Variants in PRTFDC1 observed in about 807,000 individuals in gnomAD.
PRTFDC1 encodes the protein phosphoribosyl transferase domain containing 1.
A neutral mutation model predicts 34.6 loss-of-function variants in PRTFDC1; 38 were observed. The ratio of observed to expected loss-of-function variants is 1.10; its 90% CI spans 0.85 to 1.44. The LOEUF (loss-of-function observed/expected upper bound fraction) is 1.44. Ranked by LOEUF, PRTFDC1 falls within the 40% of genes most tolerant of loss-of-function variation. The pLI, the probability that PRTFDC1 is intolerant of heterozygous loss-of-function variation, is 0.00. For missense variants in PRTFDC1, 270 were observed against 283.0 expected (o/e 0.95, Z 0.33); for synonymous variants, 93 against 98.1 (o/e 0.95, Z 0.31).
rs780179894 is a variant in PRTFDC1 at position 24,937,188 on chromosome 10, T to C, written c.335A>G (p.Tyr112Cys). The change falls in exon 3 of 9, where the codon TAC becomes TGC. Residue 112 changes from tyrosine to cysteine, a missense_variant. Transcript: ENST00000320152. ...MKVDFIRLKS[Y>C]RNDQSMGEMQ... ...GCGGAACTTGTAATAACTTACCCTG[T>C]AACTTTTTAGTCTGATGAAATCAAC... 1 of 1,611,182 alleles carries C rather than the reference T, an allele frequency of 6.2e-7. No individual in the cohort carries two copies. Among genetic ancestry groups the C allele is most frequent in the Non-Finnish European group, 8.5e-7 (1 of 1,178,604 alleles).
At chr10:24,929,177 A>G (rs61854330) in intron 3 of PRTFDC1, among the ~76,000 whole-genome samples, 22,156 of 152,002 alleles carry the variant, frequency 0.15, 1,851 homozygotes, top group East Asian at 0.28. Context: ...AAAGACACTG[A>G]ACCTGGCTTA....
intron 3 of PRTFDC1, among the ~76,000 whole-genome samples, chr10:24,901,429 C>T (rs1588603032): frequency 6.6e-6 from 1 of 152,146 alleles, no homozygotes; most frequent in East Asian, 1.9e-4. Flanking sequence ...ACTAACATAC[C>T]CTAAAATGTT....
intron 7 of PRTFDC1, 122 bp downstream of exon 7, chr10:24,855,196 A>T: frequency 1.1e-6 from 1 of 928,828 alleles, no homozygotes; most frequent in Non-Finnish European, 1.6e-6. Context: ...TATCAGCCCT[A>T]CACAGTTTCA....
chr10:24,885,153 C>T (rs913205090), intron 3 of PRTFDC1, among the ~76,000 whole-genome samples: 2 of 152,206 alleles, frequency 1.3e-5, no homozygotes, highest in East Asian at 3.9e-4. Flanking sequence ...AAAACCTTAA[C>T]TATTTCAGCA....
chr10:24,912,890 T>A (rs1275964392), intron 3 of PRTFDC1, among the ~76,000 whole-genome samples: 2 of 152,184 alleles, frequency 1.3e-5, no homozygotes, highest in African/African-American at 4.8e-5. Context: ...CATGGCATCC[T>A]GAGTGAGCCT....
At chr10:24,914,195 CAT>C (rs1564311196) in intron 3 of PRTFDC1, among the ~76,000 whole-genome samples, 3 of 152,034 alleles carry the variant, frequency 2.0e-5, no homozygotes, top group African/African-American at 7.2e-5. Flanking sequence ...CACAAGTAAA[CAT>C]TGTTTTAGGA....
chr10:24,933,140 TTAAATC>T lies in PRTFDC1; in HGVS notation c.339+4038_339+4043del, dbSNP rs201409918. ...CATGACATGTCTCACAGACCTAAAT[TTAAATC>T]TAAAACTATGAAACTTCTCTTTTTA... is the stretch of plus-strand genomic sequence containing the variant. On this transcript the variant is annotated intron_variant, in intron 3 of 8. Coordinates refer to ENST00000320152, the MANE Select transcript of PRTFDC1 (RefSeq NM_020200.7). 1.3e-3 allele frequency among the ~76,000 whole-genome samples: 203 copies of T among 152,126 alleles called. 7 individuals carry two copies. In the East Asian group the frequency reaches 0.035, roughly 26 times the overall value.
intron 3 of PRTFDC1, among the ~76,000 whole-genome samples, chr10:24,932,999 C>T (rs4747507): frequency 0.15 from 22,188 of 151,972 alleles, 1,855 homozygotes; most frequent in East Asian, 0.28. Flanking sequence ...TCAAAAGCAA[C>T]TCCATGGAAA....
At chr10:24,887,874 A>AC (rs912022832) in intron 3 of PRTFDC1, among the ~76,000 whole-genome samples, 1 of 151,370 alleles carries the variant, frequency 6.6e-6, no homozygotes, top group African/African-American at 2.4e-5. Flanking sequence ...TATATTAGCT[A>AC]CCCCTTGTTC....
chr10:24,913,560 T>A (rs1848656952), intron 3 of PRTFDC1, among the ~76,000 whole-genome samples: 1 of 152,216 alleles, frequency 6.6e-6, no homozygotes, highest in Admixed American at 6.5e-5. Context: ...GAGGTTAGAA[T>A]CAAGTTAAGC....
intron 3 of PRTFDC1, among the ~76,000 whole-genome samples, chr10:24,901,138 A>G (rs939745640): frequency 6.6e-6 from 1 of 152,218 alleles, no homozygotes; most frequent in Non-Finnish European, 1.5e-5. Context: ...TCCTATATGT[A>G]TGTGTATCAC....
chr10:24,902,304 C>A (rs1157401363), intron 3 of PRTFDC1, among the ~76,000 whole-genome samples: 1 of 152,054 alleles, frequency 6.6e-6, no homozygotes, highest in Non-Finnish European at 1.5e-5. Context: ...ACTCATAGAG[C>A]TGTGGACGGA....
At chr10:24,922,631 A>G (rs945124808) in intron 3 of PRTFDC1, among the ~76,000 whole-genome samples, 20 of 152,214 alleles carry the variant, frequency 1.3e-4, no homozygotes, top group African/African-American at 4.8e-4. Flanking sequence ...AGGCCTCCCC[A>G]GCCATATGGA....
chr10:24,884,988 C>A (rs760055932), intron 3 of PRTFDC1, among the ~76,000 whole-genome samples: 6 of 152,192 alleles, frequency 3.9e-5, no homozygotes, highest in Non-Finnish European at 7.4e-5. Context: ...CCTGTCCCCA[C>A]CTGGGGGCCC....
At chr10:24,894,274 T>C (rs901919749) in intron 3 of PRTFDC1, among the ~76,000 whole-genome samples, 1 of 144,362 alleles carries the variant, frequency 6.9e-6, no homozygotes, top group Non-Finnish European at 1.5e-5. Flanking sequence ...GAGGTTGCAG[T>C]GAGCCAAGAT....
At chr10:24,950,001 T>C (rs1307809118) in intron 1 of PRTFDC1, among the ~76,000 whole-genome samples, 1 of 152,106 alleles carries the variant, frequency 6.6e-6, no homozygotes, top group South Asian at 2.1e-4. Context: ...CCCAAAGTGG[T>C]GGGATTACAG....
At chr10:24,882,478 G>C (rs1373599622) in intron 3 of PRTFDC1, among the ~76,000 whole-genome samples, 1 of 152,124 alleles carries the variant, frequency 6.6e-6, no homozygotes, top group African/African-American at 2.4e-5. Context: ...TGTTGAGCCA[G>C]ACTGAAACTT....
chr10:24,866,792 A>AAGAGAGAG (rs111304267), intron 4 of PRTFDC1, among the ~76,000 whole-genome samples: 7 of 148,398 alleles, frequency 4.7e-5, no homozygotes, highest in African/African-American at 1.8e-4. Context: ...AAAAGAAAGA[A>AAGAGAGAG]AGAGAGAGAG....
intron 6 of PRTFDC1, among the ~76,000 whole-genome samples, chr10:24,856,593 AAAAC>A (rs1055774625): frequency 1.2e-4 from 19 of 152,190 alleles, no homozygotes; most frequent in Non-Finnish European, 1.8e-4. Flanking sequence ...ACTCTGTCTC[AAAAC>A]AAACAAACAA....
Sources: allele counts gnomAD v4.1 joint callset (sites outside exome capture counted in the v4.1 genomes callset), GRCh38; gene constraint gnomAD v4.1.1; transcripts MANE v1.5; gene names NCBI Gene and HGNC (gene_info 2026-07-23, HGNC 2026-07-21).